The following ANO3 variants were observed in gnomAD, a reference collection of about 807,000 sequenced individuals.
The protein encoded by ANO3 is anoctamin 3, also known as anoctamin-3.
Under a neutral mutation model 144.8 loss-of-function variants are expected in ANO3, and 99 were observed. The ratio of observed to expected loss-of-function variants is 0.68; its 90% CI spans 0.58 to 0.81. The LOEUF (loss-of-function observed/expected upper bound fraction) is 0.81. Ranked by LOEUF, ANO3 falls within the 30% of genes least tolerant of loss-of-function variation. The pLI, the probability that ANO3 is intolerant of heterozygous loss-of-function variation, is 0.00. For synonymous variants in ANO3, 414 were observed against 392.6 expected (o/e 1.05, Z -0.64); for missense variants, 905 against 1,202.2 (o/e 0.75, Z 3.66).
chr11:26,499,657 T>C (rs983261050), intron 4 of ANO3, among the ~76,000 whole-genome samples: 4 of 151,882 alleles, frequency 2.6e-5, no homozygotes, highest in Non-Finnish European at 4.4e-5. Context: ...TCGATTTTTA[T>C]GTTGCCTATT....
chr11:26,517,814 T>C (rs1358834895), intron 6 of ANO3, among the ~76,000 whole-genome samples: 2 of 152,068 alleles, frequency 1.3e-5, no homozygotes, highest in Non-Finnish European at 2.9e-5. Flanking sequence ...GCCTCTACAG[T>C]ATTCAACGTA....
intron 26 of ANO3, among the ~76,000 whole-genome samples, chr11:26,658,896 C>A (rs1853783806): frequency 6.6e-6 from 1 of 152,108 alleles, no homozygotes; most frequent in South Asian, 2.1e-4. Context: ...CTATTATCTA[C>A]TAAGAATCCA....
intron 7 of ANO3, among the ~76,000 whole-genome samples, chr11:26,527,413 A>G (rs1482613577): frequency 6.6e-6 from 1 of 152,114 alleles, no homozygotes; most frequent in African/African-American, 2.4e-5. Context: ...TTTACTTATA[A>G]TAAGTAAATC....
chr11:26,219,038 C>G (rs577921439), intron 1 of ANO3, among the ~76,000 whole-genome samples: 151 of 152,258 alleles, frequency 9.9e-4, no homozygotes, highest in African/African-American at 3.5e-3. Flanking sequence ...AGATAATTCT[C>G]TGTTGCAGGG....
chr11:26,467,044 A>G (rs960369539), intron 4 of ANO3, among the ~76,000 whole-genome samples: 1 of 152,002 alleles, frequency 6.6e-6, no homozygotes, highest in Non-Finnish European at 1.5e-5. Flanking sequence ...CTCTATTTAC[A>G]AAAGTGCCTT....
At chr11:26,626,351 G>A (rs1183894944) in intron 18 of ANO3, among the ~76,000 whole-genome samples, 2 of 152,214 alleles carry the variant, frequency 1.3e-5, no homozygotes, top group Non-Finnish European at 2.9e-5. Flanking sequence ...TGGATAAGGA[G>A]AGCCTCAGAC....
intron 4 of ANO3, among the ~76,000 whole-genome samples, chr11:26,496,976 A>G (rs1283106186): frequency 1.5e-4 from 16 of 105,456 alleles, no homozygotes; most frequent in Admixed American, 3.6e-4. Flanking sequence ...TGTTGTGTGT[A>G]TATATATATA....
intron 4 of ANO3, among the ~76,000 whole-genome samples, chr11:26,477,589 C>T (rs1860031854): frequency 6.6e-6 from 1 of 152,158 alleles, no homozygotes. Flanking sequence ...GTCTCCTTAA[C>T]TAAATTACTC....
chr11:26,438,360 G>C (rs1269092820), intron 1 of ANO3, among the ~76,000 whole-genome samples: 1 of 151,688 alleles, frequency 6.6e-6, no homozygotes, highest in Non-Finnish European at 1.5e-5. Context: ...GAAAATATAG[G>C]CTACAGACTA....
intron 14 of ANO3, among the ~76,000 whole-genome samples, chr11:26,595,465 T>TTTTTTG (rs1851588876): frequency 7.0e-6 from 1 of 143,590 alleles, no homozygotes; most frequent in African/African-American, 2.6e-5. Context: ...GAGTTGTTTT[T>TTTTTTG]TTTTTTTTTT....
chr11:26,643,180 A>T lies in ANO3; in HGVS notation c.2276-2A>T. The T allele has an allele frequency of 6.2e-7, 1 of 1,613,514 alleles. No individual in the cohort carries two copies. The highest frequency in any genetic ancestry group is 8.5e-7 in the Non-Finnish European group (1 of 1,179,812). On this transcript the variant is annotated splice_acceptor_variant, in intron 22 of 26. Coordinates refer to ENST00000256737, the MANE Select transcript of ANO3 (RefSeq NM_031418.4). LOFTEE classifies it high-confidence loss of function. ...TAATTTCCTAATGCTCTTCTTTTGC[A>T]GTTTTGCAATTTGGTTTTACCACCA...
intron 5 of ANO3, among the ~76,000 whole-genome samples, chr11:26,509,093 A>ATC (rs140858393): frequency 0.18 from 24,026 of 131,810 alleles, 2,379 homozygotes; most frequent in Non-Finnish European, 0.24. Flanking sequence ...ACACACATCT[A>ATC]TCTCTCTCTC....
intron 24 of ANO3, among the ~76,000 whole-genome samples, chr11:26,655,670 A>T: frequency 6.6e-6 from 1 of 152,150 alleles, no homozygotes; most frequent in Non-Finnish European, 1.5e-5. Context: ...GTTCACTGTT[A>T]AGTATCAAGC....
At chr11:26,415,835 T>C (rs1457701537) in intron 1 of ANO3, among the ~76,000 whole-genome samples, 1 of 152,100 alleles carries the variant, frequency 6.6e-6, no homozygotes, top group Non-Finnish European at 1.5e-5. Context: ...ATAATGTCAG[T>C]CTGTCAATGT....
At chr11:26,276,246 C>G (rs1026017846) in intron 1 of ANO3, among the ~76,000 whole-genome samples, 3 of 151,990 alleles carry the variant, frequency 2.0e-5, no homozygotes, top group Non-Finnish European at 4.4e-5. Flanking sequence ...GAAGAGTCAC[C>G]TAAGACTCTT....
intron 1 of ANO3, among the ~76,000 whole-genome samples, chr11:26,242,472 T>C (rs534182717): frequency 6.6e-6 from 1 of 152,324 alleles, no homozygotes; most frequent in African/African-American, 2.4e-5. Context: ...CCATATCCCC[T>C]TTACCCAATT....
intron 3 of ANO3, among the ~76,000 whole-genome samples, chr11:26,444,125 A>T (rs1452637528): frequency 6.6e-6 from 1 of 152,178 alleles, no homozygotes; most frequent in Non-Finnish European, 1.5e-5. Flanking sequence ...CTATTTCAAG[A>T]TCTATAACAT....
chr11:26,243,853 G>A (rs1852719586), intron 1 of ANO3, among the ~76,000 whole-genome samples: 1 of 152,036 alleles, frequency 6.6e-6, no homozygotes, highest in South Asian at 2.1e-4. Context: ...CAGGTGCGGT[G>A]TCACGCCTGT....
At chr11:26,289,734 ATG>A (rs1853908620) in intron 1 of ANO3, among the ~76,000 whole-genome samples, 3 of 145,760 alleles carry the variant, frequency 2.1e-5, no homozygotes, top group African/African-American at 5.0e-5. Context: ...TATATTCTAT[ATG>A]TGTATATATA....
Sources: gnomAD v4.1 joint callset for allele counts (sites outside exome capture counted in the v4.1 genomes callset) on GRCh38, gnomAD v4.1.1 for gene constraint, MANE v1.5 for transcripts, NCBI Gene and HGNC (gene_info 2026-07-23, HGNC 2026-07-21) for gene names.